DYM: variants seen among roughly 807,000 people sequenced by gnomAD.
DYM encodes the protein dyggve-Melchior-Clausen syndrome protein.
A neutral mutation model predicts 93.1 loss-of-function variants in DYM; 78 were observed. That is an observed-to-expected ratio of 0.84 (90% CI 0.70 to 1.01). DYM has a LOEUF of 1.01. DYM is among the 50% of genes least tolerant of loss of function. DYM has a pLI of 0.00. For synonymous variants in DYM, 321 were observed against 319.7 expected (o/e 1.00, Z -0.04); for missense variants, 789 against 845.0 (o/e 0.93, Z 0.82).
Position 49,043,807 on chromosome 18 carries a change from TAGC to T in DYM, c.*245_*247del. On this transcript the variant is annotated 3_prime_UTR_variant, in exon 18 of 18. Coordinates refer to ENST00000675505, the MANE Select transcript of DYM (RefSeq NM_001353214.3). The stretch of plus-strand genomic sequence containing the variant: ...CTTCGAAATAAAACTGCATGTTGAA[TAGC>T]AGGTTTTTACATTTATTATTGTTGT... 1 of 520,726 alleles carries T rather than the reference TAGC, an allele frequency of 1.9e-6. No homozygotes were observed. The highest frequency in any genetic ancestry group is 3.4e-6 in the Non-Finnish European group (1 of 290,476). The allele number at this position is 520,726 out of a possible 1,614,324, so 32.3% of individuals were successfully genotyped here.
intron 1 of DYM, among the ~76,000 whole-genome samples, chr18:49,456,886 T>C (rs1487766063): frequency 6.6e-6 from 1 of 152,134 alleles, no homozygotes; most frequent in Non-Finnish European, 1.5e-5. Context: ...TGATAAATGG[T>C]GCACCACCAC....
chr18:49,129,135 G>GAAAAAC (rs937142214), intron 15 of DYM, among the ~76,000 whole-genome samples: 1 of 147,502 alleles, frequency 6.8e-6, no homozygotes, highest in Non-Finnish European at 1.5e-5. Context: ...AAAAAAAAAA[G>GAAAAAC]AAAAACAGAG....
At chr18:49,247,398 A>G (rs368403884) in intron 13 of DYM, among the ~76,000 whole-genome samples, 12 of 152,340 alleles carry the variant, frequency 7.9e-5, no homozygotes, top group African/African-American at 2.6e-4. Flanking sequence ...CAGAATCTAC[A>G]AAACTGTAGC....
At chr18:49,314,877 C>G (rs112745788) in intron 8 of DYM, among the ~76,000 whole-genome samples, 1,634 of 152,244 alleles carry the variant, frequency 0.011, 29 homozygotes, top group African/African-American at 0.038. Flanking sequence ...GTTTGGCTCA[C>G]TCTTTTTGTG....
In DYM at chr18:49,124,487, C is replaced by T. The variant is rs148316399; in HGVS notation, c.1729-5561G>A. Among the ~76,000 whole-genome samples, 59 of 140,326 alleles carry T rather than the reference C, an allele frequency of 4.2e-4. No homozygotes were observed. In the East Asian group the frequency reaches 0.013, roughly 30 times the overall value. The allele number at this position is 140,326 out of a possible 152,430, so 92.1% of individuals were successfully genotyped here. ...TCATGCCACTGCACTCCAGCCTGGG[C>T]AACAGAGTGAGACCCTGTCTCAAAA... On this transcript the variant is annotated intron_variant, in intron 15 of 17. Transcript: ENST00000675505.
intron 2 of DYM, among the ~76,000 whole-genome samples, chr18:49,428,864 G>A (rs1312586561): frequency 1.3e-5 from 2 of 152,088 alleles, no homozygotes; most frequent in Non-Finnish European, 2.9e-5. Flanking sequence ...TGAATTACAT[G>A]ATATATGAAA....
At chr18:49,092,848 T>C (rs2079173226) in intron 17 of DYM, among the ~76,000 whole-genome samples, 1 of 152,100 alleles carries the variant, frequency 6.6e-6, no homozygotes, top group African/African-American at 2.4e-5. Flanking sequence ...AAGAGACCCT[T>C]AGTCTTCCAC....
At chr18:49,374,506 A>G (rs1599754312) in intron 5 of DYM, among the ~76,000 whole-genome samples, 2 of 152,344 alleles carry the variant, frequency 1.3e-5, no homozygotes, top group South Asian at 4.1e-4. Flanking sequence ...TTCCAGTACC[A>G]CTAATCAAAT....
intron 16 of DYM, among the ~76,000 whole-genome samples, chr18:49,111,683 G>C (rs2081407510): frequency 6.6e-6 from 1 of 152,162 alleles, no homozygotes; most frequent in African/African-American, 2.4e-5. Context: ...TCCACGTTCT[G>C]CTTTCAGTGA....
At chr18:49,050,155 C>T (rs1418884124) in intron 17 of DYM, among the ~76,000 whole-genome samples, 6 of 147,394 alleles carry the variant, frequency 4.1e-5, no homozygotes, top group Non-Finnish European at 7.4e-5. Flanking sequence ...GGCGCGATCT[C>T]GGCTCACTGC....
intron 13 of DYM, among the ~76,000 whole-genome samples, chr18:49,246,323 T>C (rs2094165665): frequency 6.6e-6 from 1 of 152,240 alleles, no homozygotes; most frequent in Non-Finnish European, 1.5e-5. Flanking sequence ...CCATTTCTCC[T>C]GTTAACACAA....
chr18:49,357,204 G>A (rs1013977173), intron 6 of DYM, among the ~76,000 whole-genome samples: 7 of 152,066 alleles, frequency 4.6e-5, no homozygotes, highest in East Asian at 1.9e-4. Flanking sequence ...TCTTCTCATC[G>A]GGGTATCTTT....
rs1291557558 is a variant in DYM at position 49,040,358 on chromosome 18, A to G, written c.*3697T>C. The stretch of plus-strand genomic sequence containing the variant: ...TTAGGGGTTGAGTATGACCTGGCCA[A>G]GGGTCTTGGGGCTACTGGTGAGTCT... On this transcript the variant is annotated 3_prime_UTR_variant, in exon 18 of 18. Coordinates refer to ENST00000675505, the MANE Select transcript of DYM (RefSeq NM_001353214.3). Among the ~76,000 whole-genome samples the G allele has an allele frequency of 1.3e-5, 2 of 152,154 alleles. No individual in the cohort carries two copies. Among genetic ancestry groups the G allele is most frequent in the South Asian group, 2.1e-4 (1 of 4,826 alleles).
chr18:49,231,069 T>G (rs565760158), intron 13 of DYM, among the ~76,000 whole-genome samples: 1 of 152,344 alleles, frequency 6.6e-6, no homozygotes, highest in African/African-American at 2.4e-5. Context: ...ATAGATATAT[T>G]AGCTTAGACT....
In DYM at chr18:49,452,876, A is replaced by T. The variant is rs1414804871; in HGVS notation, c.-54+7522T>A. On this transcript the variant is annotated intron_variant, in intron 1 of 17. Transcript: ENST00000675505. ...TGTCTAGCTAAGGGATTGCAGATACACCAATCAGCACTCTGTGTCTAGCTC... is the reference window on the plus strand; with the variant it reads ...TGTCTAGCTAAGGGATTGCAGATACTCCAATCAGCACTCTGTGTCTAGCTC... Among the ~76,000 whole-genome samples the T allele has an allele frequency of 1.5e-5, 2 of 134,020 alleles. 1 individual carries two copies. The highest frequency in any genetic ancestry group is 3.2e-5 in the Non-Finnish European group (2 of 61,758). 87.9% of individuals were successfully genotyped at this position (134,020 alleles called of 152,430 possible).
intron 8 of DYM, among the ~76,000 whole-genome samples, chr18:49,311,047 A>T (rs1309543812): frequency 6.6e-6 from 1 of 152,200 alleles, no homozygotes; most frequent in Admixed American, 6.5e-5. Flanking sequence ...TGTATTTTCC[A>T]CTTGGAACAC....
intron 8 of DYM, among the ~76,000 whole-genome samples, chr18:49,311,362 T>C (rs947151452): frequency 6.6e-6 from 1 of 152,162 alleles, no homozygotes; most frequent in African/African-American, 2.4e-5. Context: ...TTTTAGAAAG[T>C]TCTCTCCAAA....
At chr18:49,268,697 A>G (rs2094614489) in intron 11 of DYM, among the ~76,000 whole-genome samples, 1 of 152,150 alleles carries the variant, frequency 6.6e-6, no homozygotes, top group Admixed American at 6.5e-5. Context: ...GGTGGTAATG[A>G]CACAAATATA....
At position 49,286,615 on chromosome 18, in the gene DYM, T is replaced by G. The variant is rs2059682591; in HGVS notation, c.765A>C (p.Thr255=). The change falls in exon 9 of 18, where the codon ACA becomes ACC. Residue 255 remains threonine, a splice_region_variant and synonymous_variant. Transcript: ENST00000675505. ...CTAGTGTGAAGACAGTCCAGAGTCC[T>G]GCTGGGGAGGAAAACACCCTGTTAG... ...LLYGLASGVA[T]GLWTVFTLGG... 1 of 1,613,730 alleles carries G rather than the reference T, an allele frequency of 6.2e-7. No individual in the cohort carries two copies. The highest frequency in any genetic ancestry group is 8.5e-7 in the Non-Finnish European group (1 of 1,179,914).
Sources: gnomAD v4.1 joint callset for allele counts (sites outside exome capture counted in the v4.1 genomes callset) on GRCh38, gnomAD v4.1.1 for gene constraint, MANE v1.5 for transcripts, NCBI Gene and HGNC (gene_info 2026-07-23, HGNC 2026-07-21) for gene names.